The following CLEC1A variants were observed in gnomAD, a reference collection of about 807,000 sequenced individuals.
CLEC1A encodes C-type lectin domain family 1 member A.
Under a neutral mutation model 28.7 loss-of-function variants are expected in CLEC1A, and 34 were observed. The ratio of observed to expected loss-of-function variants is 1.18; its 90% CI spans 0.90 to 1.57. The LOEUF is 1.57. Among genes scored for constraint, CLEC1A ranks in the 40% most tolerant of loss-of-function variants. CLEC1A has a pLI of 0.00. For missense variants in CLEC1A, 385 were observed against 339.5 expected, an observed-to-expected ratio of 1.13 and a Z score of -1.05; for synonymous variants, 116 against 121.0, an observed-to-expected ratio of 0.96 and a Z score of 0.27.
At chr12:10,098,714 A>G (rs898880781) in intron 1 of CLEC1A, 94 bp downstream of exon 1, 5 of 753,844 alleles carry the variant, frequency 6.6e-6, no homozygotes, top group East Asian at 2.8e-5. Flanking sequence ...AAATTATAAG[A>G]TGCAAGCTAA....
At chr12:10,081,472 C>T in intron 2 of CLEC1A, 59 bp from the exon 3 acceptor site, 1 of 1,388,192 alleles carries the variant, frequency 7.2e-7, no homozygotes, top group Non-Finnish European at 9.8e-7. Flanking sequence ...TTTCCATTTT[C>T]TGCTTATGGG....
At chr12:10,087,864 T>TATAA (rs1403566477) in intron 2 of CLEC1A, among the ~76,000 whole-genome samples, 1 of 151,796 alleles carries the variant, frequency 6.6e-6, no homozygotes, top group African/African-American at 2.4e-5. Flanking sequence ...TATGTATATT[T>TATAA]ATAAATAAAT....
At chr12:10,075,365 G>A in intron 4 of CLEC1A, 139 bp downstream of exon 4, 1 of 774,046 alleles carries the variant, frequency 1.3e-6, no homozygotes, top group Non-Finnish European at 2.1e-6. Flanking sequence ...CAAAGCAATA[G>A]GAATAAGACT....
chr12:10,072,776 A>G (rs1297998587), intron 5 of CLEC1A, among the ~76,000 whole-genome samples: 3 of 152,144 alleles, frequency 2.0e-5, no homozygotes, highest in Admixed American at 6.5e-5. Context: ...CTGGCTTATA[A>G]GCAGTTCAAA....
Position 10,073,486 on chromosome 12 carries a change from C to A in CLEC1A, c.544-75G>T, listed in dbSNP as rs59950980. Reference sequence around the variant, plus strand: ...ACATGTACAGACATGCATGGGCCAGCCAGCACTTTTCTCAAAGCACACACA... The same window carrying A: ...ACATGTACAGACATGCATGGGCCAGACAGCACTTTTCTCAAAGCACACACA... On this transcript the variant is annotated intron_variant, in intron 4 of 5. Coordinates refer to ENST00000315330, the MANE Select transcript of CLEC1A (RefSeq NM_016511.4). The A allele has an allele frequency of 0.01, 11,041 of 1,053,134 alleles. 824 individuals carry two copies. The African/African-American group carries it at 0.15, about 15-fold the overall frequency. The allele number at this position is 1,053,134 out of a possible 1,614,324, so 65.2% of individuals were successfully genotyped here.
At chr12:10,090,580 T>G (rs181533521) in intron 1 of CLEC1A, among the ~76,000 whole-genome samples, 1 of 152,114 alleles carries the variant, frequency 6.6e-6, no homozygotes, top group African/African-American at 2.4e-5. Context: ...AGGTAGAGAT[T>G]TATATGAAAC....
At chr12:10,089,500 T>C (rs1406499259) in intron 1 of CLEC1A, among the ~76,000 whole-genome samples, 1 of 152,040 alleles carries the variant, frequency 6.6e-6, no homozygotes, top group Admixed American at 6.6e-5. Context: ...ATTACCATTA[T>C]CTTTATGTGG....
intron 3 of CLEC1A, among the ~76,000 whole-genome samples, chr12:10,077,403 T>C (rs907636382): frequency 1.3e-5 from 2 of 152,082 alleles, no homozygotes; most frequent in Non-Finnish European, 2.9e-5. Flanking sequence ...AGTGAGACCC[T>C]GTTTTCCCCA....
chr12:10,097,962 TAATAAATAGA>T (rs55941900), intron 1 of CLEC1A, among the ~76,000 whole-genome samples: 1 of 141,772 alleles, frequency 7.1e-6, no homozygotes, highest in Non-Finnish European at 1.5e-5. Flanking sequence ...GAGGGTCATT[TAATAAATAGA>T]AATAAATAGA....
At chr12:10,074,592 A>C (rs1866211815) in intron 4 of CLEC1A, among the ~76,000 whole-genome samples, 2 of 152,220 alleles carry the variant, frequency 1.3e-5, no homozygotes, top group South Asian at 4.1e-4. Flanking sequence ...GAGGAATCAA[A>C]GAGAATAAGA....
intron 5 of CLEC1A, 21 bp downstream of exon 5, chr12:10,073,272 T>A (rs1452469274): frequency 1.3e-6 from 2 of 1,552,680 alleles, no homozygotes; most frequent in East Asian, 2.2e-5. Flanking sequence ...GCCTTTCCCA[T>A]AAAATATCCT....
At chr12:10,087,519 T>TATATATA (rs1866525503) in intron 2 of CLEC1A, among the ~76,000 whole-genome samples, 2 of 127,052 alleles carry the variant, frequency 1.6e-5, no homozygotes, top group Admixed American at 8.1e-5. Context: ...TATATATATA[T>TATATATA]TTGTTTTTTT....
intron 4 of CLEC1A, 63 bp from the exon 5 acceptor site, chr12:10,073,474 T>A: frequency 8.3e-7 from 1 of 1,209,306 alleles, no homozygotes; most frequent in Non-Finnish European, 1.2e-6. Flanking sequence ...TGTACAGACA[T>A]GCATGGGCCA....
chr12:10,073,385 A>C lies in CLEC1A; in HGVS notation c.570T>G (p.Ser190=), dbSNP rs1360419834. Residue 190 remains serine, a synonymous_variant, in exon 5 of 6, where the codon TCT becomes TCG. Coordinates refer to ENST00000315330, the MANE Select transcript of CLEC1A (RefSeq NM_016511.4). ...CTGTCCAATAAGAGTAGAAAAACTC[A>C]GAGTAGCTCTGAGACGCGGCAAATT... The part of the protein sequence containing the change: ...DLEFAASQSY[S]EFFYSYWTGL... 6.2e-7 allele frequency: 1 copy of C among 1,613,820 alleles called. No homozygotes were observed. The highest frequency in any genetic ancestry group is 8.5e-7 in the Non-Finnish European group (1 of 1,179,876).
At chr12:10,088,027 T>C (rs576409061) in intron 2 of CLEC1A, among the ~76,000 whole-genome samples, 1 of 152,258 alleles carries the variant, frequency 6.6e-6, no homozygotes, top group East Asian at 1.9e-4. Flanking sequence ...TTATATTGAG[T>C]ATTGACAATA....
chr12:10,079,107 T>A (rs1866313235), intron 3 of CLEC1A, among the ~76,000 whole-genome samples: 2 of 152,182 alleles, frequency 1.3e-5, no homozygotes. Flanking sequence ...ACATTAGTCA[T>A]CTTATGTTTT....
rs1866560934 is a variant in CLEC1A, at chr12:10,089,133, C to G, written c.205G>C (p.Gly69Arg). ...LVLLIGLAALGLLFFQYYQLS... is the reference protein window; with the variant it reads ...LVLLIGLAALRLLFFQYYQLS... Reference sequence around the variant, plus strand: ...CAGAGCGCAGACTTACACAAAAGCCCCAGGGCTGCCAGCCCTATCAGCAGC... The same window carrying G: ...CAGAGCGCAGACTTACACAAAAGCCGCAGGGCTGCCAGCCCTATCAGCAGC... The change falls in exon 2 of 6, where the codon GGG (glycine) becomes CGG (arginine). Residue 69 changes from glycine to arginine, a missense_variant. Physicochemically the swap from Gly to Arg is moderately radical, Grantham distance 125. Coordinates refer to ENST00000315330, the MANE Select transcript of CLEC1A (RefSeq NM_016511.4). The G allele has an allele frequency of 1.9e-6, 3 of 1,613,496 alleles. No individual in the cohort carries two copies. In the South Asian group the frequency reaches 3.3e-5, roughly 18 times the overall value.
intron 1 of CLEC1A, among the ~76,000 whole-genome samples, 158 bp from the exon 2 acceptor site, chr12:10,089,380 T>C (rs1866567405): frequency 6.6e-6 from 1 of 152,124 alleles, no homozygotes; most frequent in African/African-American, 2.4e-5. Flanking sequence ...CTCAGAAACA[T>C]CATCATAAGG....
intron 2 of CLEC1A, chr12:10,084,240 G>GC (rs759329664): frequency 6.6e-6 from 1 of 152,276 alleles, no homozygotes; most frequent in Non-Finnish European, 1.5e-5. Context: ...TGCCAGTGTT[G>GC]ATTCAGCGGA....
Sources: allele counts gnomAD v4.1 joint callset (sites outside exome capture counted in the v4.1 genomes callset), GRCh38; gene constraint gnomAD v4.1.1; transcripts MANE v1.5; gene names NCBI Gene and HGNC (gene_info 2026-07-23, HGNC 2026-07-21).